SRGAP1: variants seen among roughly 807,000 people sequenced by gnomAD.
SRGAP1 encodes the protein SLIT-ROBO Rho GTPase-activating protein 1.
SRGAP1 carries 43 observed loss-of-function variants against 121.9 expected under a neutral mutation model. The observed-to-expected ratio is 0.35, with a 90% CI of 0.28 to 0.46. The LOEUF is 0.46. Ranked by LOEUF, SRGAP1 falls within the 20% of genes least tolerant of loss-of-function variation. The probability of loss-of-function intolerance (pLI) is 1.00; values close to 1 mark genes in which losing one functional copy is unlikely to be tolerated. For synonymous variants in SRGAP1, 447 were observed against 485.4 expected (o/e 0.92, Z 1.04); for missense variants, 1,102 against 1,350.9 (o/e 0.82, Z 2.89).
intron 8 of SRGAP1, among the ~76,000 whole-genome samples, chr12:64,071,278 G>A (rs1022085808): frequency 6.6e-6 from 1 of 152,136 alleles, no homozygotes; most frequent in African/African-American, 2.4e-5. Context: ...AATGAGTCCT[G>A]GGATAGAGCA....
At chr12:64,112,338 G>A (rs1294396164) in intron 17 of SRGAP1, among the ~76,000 whole-genome samples, 1 of 152,106 alleles carries the variant, frequency 6.6e-6, no homozygotes, top group Non-Finnish European at 1.5e-5. Flanking sequence ...AAAGGTTTTG[G>A]TTTCATATAA....
At chr12:63,945,189 G>C (rs1440272722) in intron 1 of SRGAP1, among the ~76,000 whole-genome samples, 3 of 151,430 alleles carry the variant, frequency 2.0e-5, no homozygotes, top group Non-Finnish European at 4.4e-5. Context: ...ACTCTTTCTT[G>C]CCATTAATGT....
rs1026604590 is a variant in SRGAP1, at chr12:64,149,477, G to C, written c.*6805G>C. On this transcript the variant is annotated 3_prime_UTR_variant, in exon 22 of 22. Transcript: ENST00000355086. ...GAACAAATGCCCAAATCAGTCTGTA[G>C]AGTTGTTCCAGGAAAGACTCCACCA... The C allele has an allele frequency of 6.6e-6, 1 of 152,168 alleles. No individual in the cohort carries two copies. The highest frequency in any genetic ancestry group is 2.4e-5 in the African/African-American group (1 of 41,420). 9.4% of individuals were successfully genotyped at this position (152,168 alleles called of 1,614,324 possible).
At chr12:64,026,450 A>G (rs1176738118) in intron 4 of SRGAP1, among the ~76,000 whole-genome samples, 2 of 152,152 alleles carry the variant, frequency 1.3e-5, no homozygotes, top group African/African-American at 4.8e-5. Context: ...ATCAGTTGTT[A>G]TCAGATGATC....
Position 63,864,281 on chromosome 12 carries a change from A to C in SRGAP1, c.67+19398A>C, listed in dbSNP as rs144545879. 2.2e-3 allele frequency among the ~76,000 whole-genome samples: 342 copies of C among 152,310 alleles called. 1 individual carries two copies. Among genetic ancestry groups the C allele is most frequent in the African/African-American group, 7.8e-3 (325 of 41,560 alleles). ...TGTACAGAAAGCCTTGTGCACTGTG[A>C]AACAGAATAAAAATTACTTTTATTA... On this transcript the variant is annotated intron_variant, in intron 1 of 21. Transcript: ENST00000355086.
At chr12:63,974,632 C>T (rs2033046198) in intron 1 of SRGAP1, among the ~76,000 whole-genome samples, 1 of 151,948 alleles carries the variant, frequency 6.6e-6, no homozygotes, top group African/African-American at 2.4e-5. Context: ...CTAAGATGAG[C>T]CTATGATTTT....
At chr12:64,019,039 TA>T (rs34765674) in intron 4 of SRGAP1, among the ~76,000 whole-genome samples, 6 of 152,056 alleles carry the variant, frequency 3.9e-5, no homozygotes, top group Admixed American at 1.3e-4. Flanking sequence ...CCTAATACCT[TA>T]AAAAAATAAG....
At chr12:63,886,628 C>T (rs554409297) in intron 1 of SRGAP1, among the ~76,000 whole-genome samples, 20 of 150,912 alleles carry the variant, frequency 1.3e-4, no homozygotes, top group East Asian at 1.2e-3. Context: ...TACAGGTGTG[C>T]GCCCAGCTAA....
chr12:64,123,738 G>T (rs1324026317), intron 18 of SRGAP1, among the ~76,000 whole-genome samples: 2 of 151,396 alleles, frequency 1.3e-5, no homozygotes, highest in Non-Finnish European at 2.9e-5. Context: ...CCAACTCCTG[G>T]GCCACACAGT....
chr12:64,008,695 C>T (rs2034160857), intron 3 of SRGAP1, among the ~76,000 whole-genome samples: 1 of 152,050 alleles, frequency 6.6e-6, no homozygotes, highest in African/African-American at 2.4e-5. Flanking sequence ...ATAGGAGACA[C>T]TTAGTAAAAA....
intron 3 of SRGAP1, among the ~76,000 whole-genome samples, chr12:64,001,715 A>G (rs1235813964): frequency 6.6e-6 from 1 of 152,188 alleles, no homozygotes. Flanking sequence ...CCAGCTCACA[A>G]CAGAAGAACC....
intron 1 of SRGAP1, among the ~76,000 whole-genome samples, chr12:63,975,171 C>T (rs565956321): frequency 6.6e-6 from 1 of 152,260 alleles, no homozygotes; most frequent in Admixed American, 6.5e-5. Context: ...TATTAATGAC[C>T]ACTTCGCAGT....
chr12:63,876,003 A>C (rs182327089), intron 1 of SRGAP1, among the ~76,000 whole-genome samples: 74 of 152,348 alleles, frequency 4.9e-4, no homozygotes, highest in African/African-American at 1.6e-3. Context: ...GCTTTGCTGA[A>C]TATAACTTAA....
At chr12:63,924,875 G>C (rs2031198663) in intron 1 of SRGAP1, among the ~76,000 whole-genome samples, 1 of 152,058 alleles carries the variant, frequency 6.6e-6, no homozygotes, top group Non-Finnish European at 1.5e-5. Context: ...ATAGTACTGG[G>C]GCAATGTGAA....
chr12:63,910,235 C>T (rs560030252), intron 1 of SRGAP1, among the ~76,000 whole-genome samples: 26 of 152,338 alleles, frequency 1.7e-4, no homozygotes, highest in African/African-American at 5.8e-4. Flanking sequence ...TCCAACTTGA[C>T]AACTTGAGAG....
chr12:63,943,693 T>A (rs74099397), intron 1 of SRGAP1, among the ~76,000 whole-genome samples: 9,195 of 152,080 alleles, frequency 0.06, 896 homozygotes, highest in African/African-American at 0.21. Flanking sequence ...TGGTTTGCAA[T>A]ATGTTAAATT....
intron 11 of SRGAP1, among the ~76,000 whole-genome samples, chr12:64,090,391 A>ACAAC (rs1422619063): frequency 1.3e-5 from 2 of 152,248 alleles, no homozygotes; most frequent in Non-Finnish European, 2.9e-5. Flanking sequence ...GTTCTAAAGA[A>ACAAC]ATAATAACTC....
intron 1 of SRGAP1, among the ~76,000 whole-genome samples, chr12:63,867,821 T>G (rs1003117425): frequency 2.0e-5 from 3 of 151,512 alleles, no homozygotes; most frequent in Admixed American, 1.3e-4. Context: ...CTTAACAGAT[T>G]AAAATCTTGC....
rs114463422 is a variant in SRGAP1, at chr12:63,871,662, G to A, written c.67+26779G>A. 2.5e-3 allele frequency: 1,597 copies of A among 628,828 alleles called. 13 individuals are homozygous for A. The highest frequency in any genetic ancestry group is 0.025 in the African/African-American group (1,352 of 54,048). The allele number at this position is 628,828 out of a possible 1,614,324, so 39.0% of individuals were successfully genotyped here. The stretch of plus-strand genomic sequence containing the variant: ...CTTTTTTTTTTGGCATAAGAATAGC[G>A]CTGTATTTTCCTACAGGTAATTTTT... On this transcript the variant is annotated intron_variant, in intron 1 of 21. Coordinates refer to ENST00000355086, the MANE Select transcript of SRGAP1 (RefSeq NM_020762.4).
Sources: allele counts gnomAD v4.1 joint callset (sites outside exome capture counted in the v4.1 genomes callset), GRCh38; gene constraint gnomAD v4.1.1; transcripts MANE v1.5; gene names NCBI Gene and HGNC (gene_info 2026-07-23, HGNC 2026-07-21).